SLC5A1: variants seen among roughly 807,000 people sequenced by gnomAD.
The protein encoded by SLC5A1 is sodium/glucose cotransporter 1.
In SLC5A1, 42 loss-of-function variants were observed where a neutral mutation model predicts 73.5. The observed-to-expected ratio is 0.57, with a 90% CI of 0.45 to 0.74. SLC5A1 has a LOEUF of 0.74. SLC5A1 is among the 30% of genes least tolerant of loss of function. The probability of loss-of-function intolerance (pLI) is 0.00; values close to 1 mark genes in which losing one functional copy is unlikely to be tolerated. For missense variants in SLC5A1, 634 were observed against 855.4 expected, an observed-to-expected ratio of 0.74 and a Z score of 3.23; for synonymous variants, 300 against 317.4, an observed-to-expected ratio of 0.95 and a Z score of 0.58.
At chr22:32,095,838 G>T (rs1304295103) in intron 11 of SLC5A1, among the ~76,000 whole-genome samples, 1 of 152,136 alleles carries the variant, frequency 6.6e-6, no homozygotes, top group African/African-American at 2.4e-5. Context: ...GGAGCATTTA[G>T]GCCATTTATA....
At chr22:32,062,365 T>C (rs1455724118) in intron 2 of SLC5A1, among the ~76,000 whole-genome samples, 1 of 152,260 alleles carries the variant, frequency 6.6e-6, no homozygotes, top group East Asian at 1.9e-4. Context: ...ATGTGATTAA[T>C]TCCCTAAAAT....
At chr22:32,109,152 C>A (rs1337724295) in intron 14 of SLC5A1, among the ~76,000 whole-genome samples, 1 of 152,118 alleles carries the variant, frequency 6.6e-6, no homozygotes, top group East Asian at 1.9e-4. Context: ...CCAGCCTGGG[C>A]AACAGAGCAA....
chr22:32,067,055 G>GCC lies in SLC5A1; in HGVS notation c.312+17_312+18dup. 1 of 1,570,660 alleles carries GCC rather than the reference G, an allele frequency of 6.4e-7. No individual in the cohort carries two copies. Among genetic ancestry groups the GCC allele is most frequent in the Non-Finnish European group, 8.8e-7 (1 of 1,141,206 alleles). ...TGAATGGAATGTGAGTAACACTGCA[G>GCC]CCATGGTGCACTGGGGCTGGAAGGA... On this transcript the variant is annotated intron_variant, in intron 3 of 14. Transcript: ENST00000266088.
At chr22:32,107,931 CCACCACCAT>C (rs1179513338) in intron 14 of SLC5A1, among the ~76,000 whole-genome samples, 1 of 152,124 alleles carries the variant, frequency 6.6e-6, no homozygotes, top group African/African-American at 2.4e-5. Flanking sequence ...ACCACCACCA[CCACCACCAT>C]CATCGATAAT....
At chr22:32,078,820 T>A (rs776943871) in intron 5 of SLC5A1, among the ~76,000 whole-genome samples, 4 of 151,768 alleles carry the variant, frequency 2.6e-5, no homozygotes, top group Non-Finnish European at 5.9e-5. Flanking sequence ...CCAGGCATGG[T>A]GGCACGCAAC....
chr22:32,071,180 G>C (rs1171460356), intron 5 of SLC5A1, among the ~76,000 whole-genome samples: 2 of 152,136 alleles, frequency 1.3e-5, no homozygotes, highest in African/African-American at 4.8e-5. Flanking sequence ...GGCTGGGTGC[G>C]GTGGCTCATG....
chr22:32,056,488 C>T (rs1490831252), intron 2 of SLC5A1, among the ~76,000 whole-genome samples: 1 of 132,186 alleles, frequency 7.6e-6, no homozygotes, highest in East Asian at 2.3e-4. Flanking sequence ...ATATTCGGGA[C>T]ATACTTATGC....
chr22:32,047,531 T>C (rs2149482640), intron 1 of SLC5A1, among the ~76,000 whole-genome samples: 1 of 151,714 alleles, frequency 6.6e-6, no homozygotes, highest in Middle Eastern at 3.4e-3. Context: ...AAAAAACTGC[T>C]ACAGAGGACT....
rs561874142 is a variant in SLC5A1 at position 32,111,811 on chromosome 22, C to T, written c.*1598C>T. The T allele has an allele frequency of 3.9e-5, 6 of 152,246 alleles. No individual in the cohort carries two copies. The highest frequency in any genetic ancestry group is 2.1e-4 in the South Asian group (1 of 4,820). The allele number at this position is 152,246 out of a possible 1,614,324, so 9.4% of individuals were successfully genotyped here. A position where few individuals can be genotyped will look rare whatever the true frequency, so the allele number is the denominator to read the frequency against. On this transcript the variant is annotated 3_prime_UTR_variant, in exon 15 of 15. Coordinates refer to ENST00000266088, the MANE Select transcript of SLC5A1 (RefSeq NM_000343.4). The stretch of plus-strand genomic sequence containing the variant: ...TGCATTTATGCCAATCTAAACTATC[C>T]GGTGTTTAGTTTGATTTTTTGAGTG...
intron 2 of SLC5A1, among the ~76,000 whole-genome samples, chr22:32,065,137 G>A (rs999618780): frequency 7.9e-5 from 12 of 152,054 alleles, no homozygotes; most frequent in South Asian, 2.1e-4. Context: ...TGTAGTGGCC[G>A]GGTCTCACTA....
chr22:32,049,914 G>A (rs200760147), intron 1 of SLC5A1, 29 bp from the exon 2 acceptor site: 5 of 1,600,604 alleles, frequency 3.1e-6, no homozygotes, highest in East Asian at 2.2e-5. Flanking sequence ...TCTAGTTTTC[G>A]ATTACATTTT....
intron 11 of SLC5A1, among the ~76,000 whole-genome samples, chr22:32,097,657 G>A (rs148856381): frequency 6.6e-6 from 1 of 152,054 alleles, no homozygotes; most frequent in African/African-American, 2.4e-5. Context: ...AAGACAAAAG[G>A]GAAGAAGGAG....
At chr22:32,093,586 T>C (rs1028680298) in intron 11 of SLC5A1, among the ~76,000 whole-genome samples, 5 of 151,046 alleles carry the variant, frequency 3.3e-5, no homozygotes, top group African/African-American at 7.3e-5. Flanking sequence ...TTCTCTCTCT[T>C]TCTTTTTTTT....
chr22:32,049,812 A>G, intron 1 of SLC5A1, 131 bp from the exon 2 acceptor site: 1 of 800,200 alleles, frequency 1.2e-6, no homozygotes, highest in Admixed American at 1.7e-5. Flanking sequence ...CTGCAGGGGA[A>G]GAAGGAATGT....
In SLC5A1 at chr22:32,068,093, G is replaced by A. The variant is rs1412526603; in HGVS notation, c.372+67G>A. 2.7e-6 allele frequency: 4 copies of A among 1,458,464 alleles called. No individual in the cohort carries two copies. The East Asian group carries it at 6.8e-5, about 25-fold the overall frequency. The allele number at this position is 1,458,464 out of a possible 1,614,324, so 90.3% of individuals were successfully genotyped here. A position where few individuals can be genotyped will look rare whatever the true frequency, so the allele number is the denominator to read the frequency against. On this transcript the variant is annotated intron_variant, in intron 4 of 14. Transcript: ENST00000266088. ...TATCTGTCAGCTTGGTCTTCCTAGA[G>A]GGCAGAGGAGACATTATGGGATAAA...
intron 1 of SLC5A1, among the ~76,000 whole-genome samples, chr22:32,044,764 C>T (rs1379917684): frequency 1.3e-5 from 2 of 152,152 alleles, no homozygotes; most frequent in Non-Finnish European, 2.9e-5. Flanking sequence ...ACACTCTTAT[C>T]TATTCTAATG....
intron 5 of SLC5A1, among the ~76,000 whole-genome samples, chr22:32,080,406 AG>A (rs2093997690): frequency 6.6e-6 from 1 of 152,110 alleles, no homozygotes; most frequent in Non-Finnish European, 1.5e-5. Context: ...TAACTGATGG[AG>A]GGAGGGAATA....
Position 32,049,952 on chromosome 22 carries a change from TC to T in SLC5A1, c.147del (p.Thr50ProfsTer77). On this transcript the variant is annotated frameshift_variant, in exon 2 of 15. Transcript: ENST00000266088. LOFTEE classifies it high-confidence loss of function. Reference sequence around the variant, plus strand: ...ACCCTTTCCTCCTCAGGCTATGTTTTCCACCAATCGTGGGACTGTTGGAGGC... The same window carrying T: ...ACCCTTTCCTCCTCAGGCTATGTTTTCACCAATCGTGGGACTGTTGGAGGC... Reference protein sequence around the residue: ...VMAVGLWAMFSTNRGTVGGFF... With the variant: ...VMAVGLWAMFXTNRGTVGGFF... 1 of 1,614,144 alleles carries T rather than the reference TC, an allele frequency of 6.2e-7. No individual in the cohort carries two copies. The highest frequency in any genetic ancestry group is 8.5e-7 in the Non-Finnish European group (1 of 1,179,964).
intron 13 of SLC5A1, among the ~76,000 whole-genome samples, chr22:32,102,584 T>C (rs917035509): frequency 1.3e-5 from 2 of 152,142 alleles, no homozygotes; most frequent in Non-Finnish European, 2.9e-5. Context: ...CCTGACAACA[T>C]AGTGAGACTC....
Sources: allele counts gnomAD v4.1 joint callset (sites outside exome capture counted in the v4.1 genomes callset), GRCh38; gene constraint gnomAD v4.1.1; transcripts MANE v1.5; gene names NCBI Gene and HGNC (gene_info 2026-07-23, HGNC 2026-07-21).